Variants in RNF213 observed in about 807,000 individuals in gnomAD.
RNF213 encodes the protein ring finger protein 213.
RNF213 carries 341 observed loss-of-function variants against 514.4 expected under a neutral mutation model. The ratio of observed to expected loss-of-function variants is 0.66; its 90% CI spans 0.61 to 0.73. RNF213 has a LOEUF of 0.73. RNF213 is among the 30% of genes least tolerant of loss of function. RNF213 has a pLI of 0.00. For missense variants in RNF213, 5,767 were observed against 6,615.6 expected (o/e 0.87, Z 4.45); for synonymous variants, 2,655 against 2,658.2 (o/e 1.00, Z 0.04).
chr17:80,355,101 C>T (rs1034164715), intron 36 of RNF213: 2 of 430,212 alleles, frequency 4.6e-6, no homozygotes, highest in South Asian at 3.3e-5. Flanking sequence ...CTCTGGGCCC[C>T]AGACAGAGGG....
chr17:80,294,904 C>T lies in RNF213; in HGVS notation c.1656C>T (p.Phe552=). 3 of 1,614,218 alleles carry T rather than the reference C, an allele frequency of 1.9e-6. No individual in the cohort carries two copies. The highest frequency in any genetic ancestry group is 2.5e-6 in the Non-Finnish European group (3 of 1,180,044). Reference sequence around the variant, plus strand: ...GGGACACCATCAACCTGAACAGCTTCTTCACCCAGTTCGAGCAGTTTTGCT... The same window carrying T: ...GGGACACCATCAACCTGAACAGCTTTTTCACCCAGTTCGAGCAGTTTTGCT... ...QTWDTINLNS[F]FTQFEQFCFV... The change falls in exon 9 of 68, where the codon TTC becomes TTT. Residue 552 remains phenylalanine (F), a synonymous_variant. Coordinates refer to ENST00000582970, the MANE Select transcript of RNF213 (RefSeq NM_001256071.3).
intron 21 of RNF213, among the ~76,000 whole-genome samples, chr17:80,333,261 C>T (rs1482592826): frequency 9.9e-5 from 15 of 150,896 alleles, no homozygotes; most frequent in Middle Eastern, 3.4e-3. Context: ...AGGGTTTCAC[C>T]GTGTTAGCCA....
At chr17:80,298,178 C>T in intron 10 of RNF213, 143 bp from the exon 11 acceptor site, 4 of 804,548 alleles carry the variant, frequency 5.0e-6, no homozygotes, top group South Asian at 1.5e-5. Flanking sequence ...CTGTCTCCTG[C>T]GTGAGTTAAA....
In RNF213 at chr17:80,385,033, C is replaced by T. The variant is rs1568168037; in HGVS notation, c.14323-6C>T. On this transcript the variant is annotated splice_polypyrimidine_tract_variant and splice_region_variant and intron_variant, in intron 59 of 67. Transcript: ENST00000582970. ...AATTGTTACTGGGTGGTCTTCCCTTCTCCAGGAAGCAGAGCTGAGGCTGGT... is the reference window on the plus strand; with the variant it reads ...AATTGTTACTGGGTGGTCTTCCCTTTTCCAGGAAGCAGAGCTGAGGCTGGT... 2 of 1,614,200 alleles carry T rather than the reference C, an allele frequency of 1.2e-6. No homozygotes were observed. Among genetic ancestry groups the T allele is most frequent in the East Asian group, 4.5e-5 (2 of 44,886 alleles).
rs113066160 is a variant in RNF213 at position 80,379,504 on chromosome 17, C to T, written c.13546-116C>T. On this transcript the variant is annotated intron_variant, in intron 54 of 67. Coordinates refer to ENST00000582970, the MANE Select transcript of RNF213 (RefSeq NM_001256071.3). ...CACCCGAAACAAGCACACACTGGGA[C>T]AATCTGAGGGTGCTCACGTCTGCCG... 5.8e-4 allele frequency: 564 copies of T among 972,238 alleles called. 6 individuals are homozygous for T. The African/African-American group carries it at 7.6e-3, about 13-fold the overall frequency. 60.2% of individuals were successfully genotyped at this position (972,238 alleles called of 1,614,324 possible).
intron 5 of RNF213, among the ~76,000 whole-genome samples, chr17:80,289,136 T>A (rs1247794525): frequency 1.3e-5 from 2 of 152,068 alleles, no homozygotes; most frequent in Non-Finnish European, 2.9e-5. Flanking sequence ...GGGACGCCAG[T>A]GCCCCCAGGA....
rs896734865 is a variant in RNF213, at chr17:80,346,178, A to G, written c.7843A>G (p.Ile2615Val). ...CCTAGATGAAAACGGGACTCGCGTG[A>G]TCACAGAAGTCCTCTGCGCCTCTCA... Reference protein sequence around the residue: ...ISLDENGTRVITEVLCASQGF... With the variant: ...ISLDENGTRVVTEVLCASQGF... The change falls in exon 29 of 68, where the codon ATC (isoleucine) becomes GTC (valine). Residue 2615 changes from isoleucine (I) to valine (V), a missense_variant. Coordinates refer to ENST00000582970, the MANE Select transcript of RNF213 (RefSeq NM_001256071.3). This position sits in a 1 kb window ranked among gnomAD's most constrained non-coding sequence, Gnocchi z 8.1. 4 of 1,614,222 alleles carry G rather than the reference A, an allele frequency of 2.5e-6. No individual in the cohort carries two copies. In the South Asian group the frequency reaches 4.4e-5, roughly 18 times the overall value.
At position 80,343,168 on chromosome 17, in the gene RNF213, T is replaced by C; in HGVS notation, c.6026T>C (p.Met2009Thr). The change falls in exon 27 of 68, where the codon ATG (methionine) becomes ACG (threonine). Residue 2009 changes from methionine to threonine, a missense_variant. This residue lies in a region of RNF213 where 1,377 missense variants were observed against 1,635.2 expected (regional missense o/e 0.84). Coordinates refer to ENST00000582970, the MANE Select transcript of RNF213 (RefSeq NM_001256071.3). The surrounding 1 kb of genome is among the most constrained non-coding windows in gnomAD (Gnocchi z 4.3). ...TACGTGAAGAGGTTGCACGACAAAA[T>C]GAAGATGCAGTTAAACGTGAAAAAT... ...SLYVKRLHDK[M>T]KMQLNVKNVP... The C allele has an allele frequency of 6.2e-7, 1 of 1,613,992 alleles. No individual in the cohort carries two copies. The highest frequency in any genetic ancestry group is 8.5e-7 in the Non-Finnish European group (1 of 1,179,956).
chr17:80,374,127 T>C (rs951173969), intron 49 of RNF213, among the ~76,000 whole-genome samples: 1 of 152,218 alleles, frequency 6.6e-6, no homozygotes, highest in African/African-American at 2.4e-5. Context: ...CCGGCACTGT[T>C]TGACTACCAC....
intron 22 of RNF213, among the ~76,000 whole-genome samples, chr17:80,334,817 G>A (rs1184712468): frequency 6.6e-6 from 1 of 151,828 alleles, no homozygotes; most frequent in South Asian, 2.1e-4. Flanking sequence ...TAGTAGAGAC[G>A]GGGTTTCACT....
intron 18 of RNF213, among the ~76,000 whole-genome samples, chr17:80,326,324 T>G (rs1361798343): frequency 6.6e-6 from 1 of 152,170 alleles, no homozygotes; most frequent in Non-Finnish European, 1.5e-5. Context: ...TTAGAGCACT[T>G]TGATGTGTAC....
chr17:80,295,868 G>T, intron 10 of RNF213, 55 bp downstream of exon 10: 1 of 1,597,506 alleles, frequency 6.3e-7, no homozygotes. Context: ...GATTTTCTCT[G>T]ATTGCAAAAA....
In RNF213 at chr17:80,289,771, C is replaced by T; in HGVS notation, c.1046C>T (p.Ala349Val). Residue 349 changes from alanine (A) to valine (V), a missense_variant, in exon 6 of 68, where the codon GCA (alanine) becomes GTA (valine). Around this residue, in one of 13 missense-constraint regions of RNF213, gnomAD observed 509 missense variants for 496.7 expected, o/e 1.02. Transcript: ENST00000582970. Reference sequence around the variant, plus strand: ...AAGCCAGAGGGGAAGAACAGAAGTGCAGCTGCTGTGAAAAACGAGAAGGAG... The same window carrying T: ...AAGCCAGAGGGGAAGAACAGAAGTGTAGCTGCTGTGAAAAACGAGAAGGAG... ...LKKPEGKNRS[A>V]AAVKNEKEQK... 1.9e-6 allele frequency: 3 copies of T among 1,613,804 alleles called. No individual in the cohort carries two copies. Among genetic ancestry groups the T allele is most frequent in the Non-Finnish European group, 2.5e-6 (3 of 1,179,936 alleles).
At chr17:80,359,725 C>CT (rs2078984128) in intron 37 of RNF213, among the ~76,000 whole-genome samples, 1 of 152,170 alleles carries the variant, frequency 6.6e-6, no homozygotes, top group African/African-American at 2.4e-5. Context: ...AGCAAAGACT[C>CT]TAACAAGTTG....
chr17:80,290,394 T>C (rs966925962), intron 6 of RNF213, among the ~76,000 whole-genome samples, 176 bp from the exon 7 acceptor site: 1 of 150,344 alleles, frequency 6.7e-6, no homozygotes, highest in Non-Finnish European at 1.5e-5. Context: ...TGTGTGCGTG[T>C]ACGTGTGCTT....
At position 80,393,682 on chromosome 17, in the gene RNF213, T is replaced by C. The variant is rs1383373684; in HGVS notation, c.*184T>C. The C allele has an allele frequency of 1.6e-6, 1 of 609,198 alleles. No homozygotes were observed. The highest frequency in any genetic ancestry group is 2.8e-5 in the East Asian group (1 of 35,144). 37.7% of individuals were successfully genotyped at this position (609,198 alleles called of 1,614,324 possible). ...AGCTTTTTGAAAGCCGAGCTGTTTC[T>C]GAACCATGTACATACATGTTCTGAA... is the stretch of plus-strand genomic sequence containing the variant. On this transcript the variant is annotated 3_prime_UTR_variant, in exon 68 of 68. Transcript: ENST00000582970.
chr17:80,389,110 C>T, intron 64 of RNF213, 63 bp from the exon 65 acceptor site: 2 of 1,504,450 alleles, frequency 1.3e-6, no homozygotes, highest in Non-Finnish European at 1.8e-6. Context: ...GGCTCTCTTA[C>T]CAGGTGGTGA....
At chr17:80,342,661 AATAT>A (rs1185633447) in intron 26 of RNF213, among the ~76,000 whole-genome samples, 4 of 146,704 alleles carry the variant, frequency 2.7e-5, no homozygotes, top group East Asian at 1.9e-4. Context: ...TTACATATAT[AATAT>A]ATATTCTATA....
chr17:80,338,960 A>T (rs537443738), intron 25 of RNF213, among the ~76,000 whole-genome samples: 12,927 of 147,270 alleles, frequency 0.088, 996 homozygotes, highest in African/African-American at 0.21. Context: ...AAAAAAATTA[A>T]AAAAAAAAAA....
Sources: allele counts gnomAD v4.1 joint callset (sites outside exome capture counted in the v4.1 genomes callset), GRCh38; gene constraint gnomAD v4.1.1; regional missense constraint gnomAD v4.1.1; non-coding constraint Gnocchi (gnomAD v3.1); transcripts MANE v1.5; gene names NCBI Gene and HGNC (gene_info 2026-07-23, HGNC 2026-07-21).